The following IQCM variants were observed in gnomAD, a reference collection of about 807,000 sequenced individuals.
IQCM encodes IQ motif containing M, also known as IQ domain-containing protein M.
In IQCM, 45 loss-of-function variants were observed where a neutral mutation model predicts 57.6. The observed-to-expected ratio is 0.78, with a 90% CI of 0.62 to 1.00. The LOEUF (loss-of-function observed/expected upper bound fraction) is 1.00. IQCM is among the 50% of genes least tolerant of loss of function. The probability of loss-of-function intolerance (pLI) is 0.00; values close to 1 mark genes in which losing one functional copy is unlikely to be tolerated. For synonymous variants in IQCM, 148 were observed against 158.9 expected (o/e 0.93, Z 0.51); for missense variants, 468 against 511.6 (o/e 0.91, Z 0.82).
intron 13 of IQCM, among the ~76,000 whole-genome samples, chr4:149,385,986 G>C (rs1184040992): frequency 6.6e-6 from 1 of 151,942 alleles, no homozygotes. Flanking sequence ...CAGAGGGAAG[G>C]CATAGTGATC....
At chr4:149,560,001 GAACAGTTTCATCCTGA>G (rs774350304) in intron 10 of IQCM, among the ~76,000 whole-genome samples, 8 of 152,200 alleles carry the variant, frequency 5.3e-5, no homozygotes, top group Non-Finnish European at 1.2e-4. Flanking sequence ...ATCTGAAGCA[GAACAGTTTCATCCTGA>G]AAATATCCCT....
At chr4:149,479,473 T>A (rs1740547346) in intron 12 of IQCM, among the ~76,000 whole-genome samples, 1 of 152,220 alleles carries the variant, frequency 6.6e-6, no homozygotes, top group Non-Finnish European at 1.5e-5. Flanking sequence ...ATGTATGAAC[T>A]CATATGATCT....
chr4:149,674,958 G>C (rs914748946), intron 7 of IQCM, among the ~76,000 whole-genome samples: 1 of 152,186 alleles, frequency 6.6e-6, no homozygotes, highest in Middle Eastern at 3.4e-3. Context: ...TCAGCATATA[G>C]GTGGTCTGGT....
chr4:149,812,616 G>A (rs993911896), intron 2 of IQCM, among the ~76,000 whole-genome samples: 1 of 151,540 alleles, frequency 6.6e-6, no homozygotes, highest in African/African-American at 2.4e-5. Context: ...CTAAAATTTT[G>A]GAATAACATT....
chr4:149,482,374 G>A (rs1741001782), intron 12 of IQCM, among the ~76,000 whole-genome samples: 1 of 151,844 alleles, frequency 6.6e-6, no homozygotes, highest in African/African-American at 2.4e-5. Flanking sequence ...AGAGAAAAGG[G>A]TTTCAGGTTT....
chr4:149,810,362 C>CAAAAA (rs748565416), intron 2 of IQCM, among the ~76,000 whole-genome samples: 1 of 86,238 alleles, frequency 1.2e-5, no homozygotes. Context: ...ACACCATCTC[C>CAAAAA]AAAAAAAAAA....
intron 3 of IQCM, 65 bp from the exon 4 acceptor site, chr4:149,735,523 A>G (rs1027074691): frequency 5.8e-6 from 4 of 684,210 alleles, no homozygotes. Context: ...ACAAGTTGAC[A>G]TTATAAAAGG....
chr4:149,544,339 A>G (rs1286307058), intron 12 of IQCM, among the ~76,000 whole-genome samples: 1 of 152,214 alleles, frequency 6.6e-6, no homozygotes, highest in Non-Finnish European at 1.5e-5. Flanking sequence ...TACAATATTT[A>G]GTAATAAATT....
chr4:149,590,594 C>T (rs962723899), intron 8 of IQCM, among the ~76,000 whole-genome samples: 1 of 151,978 alleles, frequency 6.6e-6, no homozygotes, highest in African/African-American at 2.4e-5. Flanking sequence ...AATGCTATCC[C>T]TCCCCTAGCC....
At chr4:149,404,479 A>G (rs1425206083) in intron 13 of IQCM, among the ~76,000 whole-genome samples, 1 of 152,082 alleles carries the variant, frequency 6.6e-6, no homozygotes, top group Admixed American at 6.6e-5. Context: ...ATGTCTGAAT[A>G]ATCTTTACTA....
At chr4:149,592,360 C>G (rs1364425964) in intron 8 of IQCM, among the ~76,000 whole-genome samples, 1 of 152,040 alleles carries the variant, frequency 6.6e-6, no homozygotes, top group Admixed American at 6.6e-5. Flanking sequence ...GATATTAGCC[C>G]TTTGTCAGAT....
chr4:149,592,368 G>C (rs1207394161), intron 8 of IQCM, among the ~76,000 whole-genome samples: 1 of 152,138 alleles, frequency 6.6e-6, no homozygotes, highest in Non-Finnish European at 1.5e-5. Context: ...CCCTTTGTCA[G>C]ATGGGTAGAT....
At position 149,622,684 on chromosome 4, in the gene IQCM, T is replaced by A. The variant is rs569758035; in HGVS notation, c.566-1440A>T. Among the ~76,000 whole-genome samples, 3 of 152,270 alleles carry A rather than the reference T, an allele frequency of 2.0e-5. No individual in the cohort carries two copies. In the East Asian group the frequency reaches 5.8e-4, roughly 29 times the overall value. ...AAGGCCATGCCCTTTATATTTTCAT[T>A]TGGCAGCTTTGTAAGACCAAGGGAG... On this transcript the variant is annotated intron_variant, in intron 7 of 13. Transcript: ENST00000636793.
At chr4:149,492,573 A>G (rs1411073762) in intron 12 of IQCM, among the ~76,000 whole-genome samples, 1 of 152,122 alleles carries the variant, frequency 6.6e-6, no homozygotes, top group Non-Finnish European at 1.5e-5. Context: ...TTGTAGCTAC[A>G]AGATTAATGA....
At chr4:149,520,662 C>T (rs1016782177) in intron 12 of IQCM, among the ~76,000 whole-genome samples, 1 of 152,148 alleles carries the variant, frequency 6.6e-6, no homozygotes, top group African/African-American at 2.4e-5. Context: ...AATTTGAATG[C>T]TCCAGATGTC....
intron 2 of IQCM, among the ~76,000 whole-genome samples, chr4:149,814,558 A>G (rs1280187780): frequency 1.3e-5 from 2 of 152,044 alleles, no homozygotes; most frequent in African/African-American, 4.8e-5. Context: ...AAATATTATT[A>G]GTATGTTTTT....
chr4:149,594,670 A>T (rs1579626339), intron 8 of IQCM, among the ~76,000 whole-genome samples: 1 of 152,040 alleles, frequency 6.6e-6, no homozygotes, highest in South Asian at 2.1e-4. Context: ...TGTTCTCATT[A>T]GTTTCAAAGA....
chr4:149,732,016 CT>C (rs1766508340), intron 5 of IQCM, among the ~76,000 whole-genome samples: 1 of 152,130 alleles, frequency 6.6e-6, no homozygotes, highest in Admixed American at 6.6e-5. Flanking sequence ...GCCCTGTCAT[CT>C]CTCACCTGGA....
At chr4:149,468,590 A>AT (rs34253528) in intron 12 of IQCM, among the ~76,000 whole-genome samples, 152,273 of 152,282 alleles carry the variant, frequency 1, 76,132 homozygotes, top group Middle Eastern at 1. Flanking sequence ...ACTTCTGCAG[A>AT]TTAAACATCC....
Sources: allele counts gnomAD v4.1 joint callset (sites outside exome capture counted in the v4.1 genomes callset), GRCh38; gene constraint gnomAD v4.1.1; transcripts MANE v1.5; gene names NCBI Gene and HGNC (gene_info 2026-07-23, HGNC 2026-07-21).